Variants in SPRED2 observed in about 807,000 individuals in gnomAD.
The protein encoded by SPRED2 is sprouty-related, EVH1 domain-containing protein 2.
A neutral mutation model predicts 43.0 loss-of-function variants in SPRED2; 47 were observed. The observed-to-expected ratio is 1.09, with a 90% CI of 0.87 to 1.40. SPRED2 has a LOEUF of 1.40. SPRED2 is among the 40% of genes most tolerant of loss of function. The pLI is 0.00. For synonymous variants in SPRED2, 225 were observed against 225.7 expected (o/e 1.00, Z 0.03); for missense variants, 561 against 586.4 (o/e 0.96, Z 0.45).
chr2:65,428,897 C>T (rs917266265), intron 1 of SPRED2, among the ~76,000 whole-genome samples: 2 of 152,228 alleles, frequency 1.3e-5, no homozygotes, highest in African/African-American at 4.8e-5. Context: ...ACCCTATGCA[C>T]AGAGGACGAC....
chr2:65,321,258 C>T (rs907960873), intron 4 of SPRED2, among the ~76,000 whole-genome samples: 1 of 152,166 alleles, frequency 6.6e-6, no homozygotes, highest in Non-Finnish European at 1.5e-5. Flanking sequence ...CCCCAGCTGA[C>T]ACTGGGAGGT....
chr2:65,423,772 C>CTT (rs11306222), intron 1 of SPRED2, among the ~76,000 whole-genome samples: 1 of 143,742 alleles, frequency 7.0e-6, no homozygotes. Flanking sequence ...CTCATTTATG[C>CTT]TTTTTTTTTT....
chr2:65,356,178 C>T (rs1048434364), intron 1 of SPRED2, among the ~76,000 whole-genome samples: 6 of 152,136 alleles, frequency 3.9e-5, no homozygotes, highest in Admixed American at 2.6e-4. Flanking sequence ...TAATAACCCA[C>T]CCGTTGAAAT....
intron 2 of SPRED2, among the ~76,000 whole-genome samples, chr2:65,338,002 T>C (rs1674018172): frequency 6.6e-6 from 1 of 152,252 alleles, no homozygotes; most frequent in African/African-American, 2.4e-5. Context: ...CTAAGAAATG[T>C]AGTTTTTTGA....
At chr2:65,341,093 C>T (rs948450057) in intron 2 of SPRED2, among the ~76,000 whole-genome samples, 1 of 117,282 alleles carries the variant, frequency 8.5e-6, no homozygotes, top group South Asian at 3.5e-4. Context: ...GGAAGGGAGA[C>T]TGGGTACGGG....
intron 3 of SPRED2, among the ~76,000 whole-genome samples, chr2:65,332,652 A>T (rs1558655090): frequency 6.6e-6 from 1 of 152,238 alleles, no homozygotes; most frequent in African/African-American, 2.4e-5. Context: ...ATACCAAGGC[A>T]TCAGTGAGTT....
At chr2:65,375,805 C>T (rs1198648719) in intron 1 of SPRED2, among the ~76,000 whole-genome samples, 1 of 152,202 alleles carries the variant, frequency 6.6e-6, no homozygotes, top group Non-Finnish European at 1.5e-5. Context: ...TTCTCTGCCT[C>T]TTTCTCCACT....
In SPRED2 at chr2:65,429,028, T is replaced by A. The variant is rs1208836693; in HGVS notation, c.26+2934A>T. 2.6e-5 allele frequency among the ~76,000 whole-genome samples: 4 copies of A among 152,378 alleles called. No homozygotes were observed. The East Asian group carries it at 7.7e-4, about 29-fold the overall frequency. On this transcript the variant is annotated intron_variant, in intron 1 of 5. Transcript: ENST00000356388. Reference sequence around the variant, plus strand: ...GACGAAAGAGAATGGTCAGTGTATTTTCTATATGGAAGATATCTTTTGGGA... The same window carrying A: ...GACGAAAGAGAATGGTCAGTGTATTATCTATATGGAAGATATCTTTTGGGA...
chr2:65,321,026 CA>C (rs1673392571), intron 4 of SPRED2, among the ~76,000 whole-genome samples: 1 of 151,708 alleles, frequency 6.6e-6, no homozygotes, highest in African/African-American at 2.4e-5. Context: ...AAAAAGTTGG[CA>C]ATCACATGCT....
At position 65,312,886 on chromosome 2, in the gene SPRED2, A is replaced by T; in HGVS notation, c.*615T>A. 2 of 985,880 alleles carry T rather than the reference A, an allele frequency of 2.0e-6. No homozygotes were observed. Among genetic ancestry groups the T allele is most frequent in the Non-Finnish European group, 2.4e-6 (2 of 829,932 alleles). The allele number at this position is 985,880 out of a possible 1,614,324, so 61.1% of individuals were successfully genotyped here. A position where few individuals can be genotyped will look rare whatever the true frequency, so the allele number is the denominator to read the frequency against. ...GCTAAAGATAGAAACTGCAGCTTACATGGGAAATTTGGCTTTAGAAAAGTT... is the reference window on the plus strand; with the variant it reads ...GCTAAAGATAGAAACTGCAGCTTACTTGGGAAATTTGGCTTTAGAAAAGTT... On this transcript the variant is annotated 3_prime_UTR_variant, in exon 6 of 6. Coordinates refer to ENST00000356388, the MANE Select transcript of SPRED2 (RefSeq NM_181784.3).
At chr2:65,341,817 T>G (rs771158104) in intron 2 of SPRED2, among the ~76,000 whole-genome samples, 3 of 152,046 alleles carry the variant, frequency 2.0e-5, no homozygotes, top group Admixed American at 6.6e-5. Context: ...CAGGAAAAAG[T>G]AGCTCTAAAA....
intron 2 of SPRED2, among the ~76,000 whole-genome samples, chr2:65,338,423 G>T (rs1257618578): frequency 6.6e-6 from 1 of 151,304 alleles, no homozygotes; most frequent in Non-Finnish European, 1.5e-5. Context: ...TCAGCCTGCC[G>T]AGTGCCTGCG....
At position 65,344,811 on chromosome 2, in the gene SPRED2, T is replaced by G; in HGVS notation, c.112A>C (p.Ile38Leu). ...GGWFPQEGGG[I>L]SRVGVCKVMH... ...ACCTTACAGACCCCGACGCGACTGA[T>G]CCCGCCTCCTTCCTGTGGGAACCAT... The change falls in exon 2 of 6, where the codon ATC (isoleucine) becomes CTC (leucine). Residue 38 changes from isoleucine (I) to leucine (L), a missense_variant. This residue lies in a region of SPRED2 where 305 missense variants were observed against 282.4 expected (regional missense o/e 1.08). Transcript: ENST00000356388. 1 of 1,614,156 alleles carries G rather than the reference T, an allele frequency of 6.2e-7. No homozygotes were observed. The highest frequency in any genetic ancestry group is 1.1e-5 in the South Asian group (1 of 91,072).
At chr2:65,318,828 G>A (rs1673322572) in intron 4 of SPRED2, among the ~76,000 whole-genome samples, 1 of 151,966 alleles carries the variant, frequency 6.6e-6, no homozygotes, top group Non-Finnish European at 1.5e-5. Flanking sequence ...TGTATTTTTT[G>A]TAGAGACGGG....
At chr2:65,335,450 G>A (rs1373188933) in intron 2 of SPRED2, among the ~76,000 whole-genome samples, 2 of 152,172 alleles carry the variant, frequency 1.3e-5, no homozygotes, top group African/African-American at 4.8e-5. Context: ...CTTTTACTGA[G>A]TTGTAATGAG....
intron 1 of SPRED2, among the ~76,000 whole-genome samples, chr2:65,411,436 CATG>C (rs1305439865): frequency 1.3e-5 from 2 of 152,176 alleles, no homozygotes; most frequent in Non-Finnish European, 2.9e-5. Context: ...AGCACTCCCA[CATG>C]ATGACATGAC....
At chr2:65,419,281 T>C (rs1211810303) in intron 1 of SPRED2, among the ~76,000 whole-genome samples, 6 of 152,190 alleles carry the variant, frequency 3.9e-5, no homozygotes, top group Non-Finnish European at 1.5e-5. Context: ...CCCCTAACTC[T>C]TCCTCCTTTA....
At chr2:65,334,470 GT>G in intron 3 of SPRED2, 134 bp downstream of exon 3, 1 of 1,002,402 alleles carries the variant, frequency 1.0e-6, no homozygotes, top group Non-Finnish European at 1.5e-6. Context: ...AATTCCAAAA[GT>G]TTTGGCATCT....
chr2:65,361,215 G>A (rs765743082), intron 1 of SPRED2, among the ~76,000 whole-genome samples: 13 of 152,270 alleles, frequency 8.5e-5, no homozygotes, highest in Non-Finnish European at 1.6e-4. Flanking sequence ...TAATAAATAT[G>A]CAAGACCTTC....
Sources: allele counts gnomAD v4.1 joint callset (sites outside exome capture counted in the v4.1 genomes callset), GRCh38; gene constraint gnomAD v4.1.1; regional missense constraint gnomAD v4.1.1; transcripts MANE v1.5; gene names NCBI Gene and HGNC (gene_info 2026-07-23, HGNC 2026-07-21).